The following PCDH11X variants were observed in gnomAD, a reference collection of about 807,000 sequenced individuals.
PCDH11X encodes protocadherin 11 X-linked.
PCDH11X carries 18 observed loss-of-function variants against 53.3 expected under a neutral mutation model. That is an observed-to-expected ratio of 0.34 (90% CI 0.23 to 0.50). The LOEUF (loss-of-function observed/expected upper bound fraction) is 0.50, where lower values mean the gene tolerates loss of function less well. PCDH11X is among the 20% of genes least tolerant of loss of function. The probability of loss-of-function intolerance (pLI) is 0.98; values close to 1 mark genes in which losing one functional copy is unlikely to be tolerated. For missense variants in PCDH11X, 570 were observed against 1,032.4 expected (o/e 0.55, Z 6.14); for synonymous variants, 279 against 393.3 (o/e 0.71, Z 3.44).
In PCDH11X at chrX:91,987,201, C is replaced by T. The variant is rs188805959; in HGVS notation, c.3033+107928C>T. The stretch of plus-strand genomic sequence containing the variant: ...CTGGGTTCAAGAGATTCTCCTGCCT[C>T]AGCGTCCCAAGCAGCTGGTATTACA... On this transcript the variant is annotated intron_variant, in intron 6 of 10. Transcript: ENST00000682573. Among the ~76,000 whole-genome samples, 684 of 111,396 alleles carry T rather than the reference C, an allele frequency of 6.1e-3. 7 individuals carry two copies. The highest frequency in any genetic ancestry group is 0.021 in the African/African-American group (655 of 30,656).
intron 7 of PCDH11X, among the ~76,000 whole-genome samples, chrX:92,250,595 G>GTATA (rs377269087): frequency 0.021 from 2,099 of 99,365 alleles, 41 homozygotes; most frequent in African/African-American, 0.061. Flanking sequence ...ATGTGTGTAT[G>GTATA]TATATATATA....
rs1204858627 is a variant in PCDH11X, at chrX:92,484,177, G to GTATATATGTATA, written c.3367+15858_3367+15859insATATGTATATAT. On this transcript the variant is annotated intron_variant, in intron 10 of 10. Transcript: ENST00000682573. ...TATATATGTATATATGTATATATAT[G>GTATATATGTATA]TATGTATATATATGTATATATGTAT... 8.2e-4 allele frequency among the ~76,000 whole-genome samples: 33 copies of GTATATATGTATA among 40,141 alleles called. 2 individuals carry two copies. In the East Asian group the frequency reaches 0.049, roughly 60 times the overall value. 34.9% of individuals were successfully genotyped at this position (40,141 alleles called of 115,157 possible).
chrX:92,004,130 C>T (rs746959934), intron 6 of PCDH11X, among the ~76,000 whole-genome samples: 33 of 111,390 alleles, frequency 3.0e-4, no homozygotes, highest in African/African-American at 8.5e-4. Flanking sequence ...TTCTTAATTT[C>T]GTCATTGACC....
intron 6 of PCDH11X, among the ~76,000 whole-genome samples, chrX:91,991,690 T>A (rs2062328378): frequency 9.1e-6 from 1 of 109,953 alleles, no homozygotes; most frequent in African/African-American, 3.3e-5. Flanking sequence ...TTTTTTTTAG[T>A]TTGCATTTGT....
At chrX:92,025,106 A>G (rs1427509741) in intron 6 of PCDH11X, among the ~76,000 whole-genome samples, 1 of 111,639 alleles carries the variant, frequency 9.0e-6, no homozygotes, top group Non-Finnish European at 1.9e-5. Context: ...AATTGCAACA[A>G]AAGCCAAAAT....
chrX:92,218,291 G>A (rs1213530424), intron 7 of PCDH11X, among the ~76,000 whole-genome samples: 3 of 98,145 alleles, frequency 3.1e-5, no homozygotes, highest in Non-Finnish European at 4.1e-5. Context: ...AAAATTGATA[G>A]ACCACTAGCA....
intron 7 of PCDH11X, among the ~76,000 whole-genome samples, chrX:92,219,753 CA>C (rs1472504986): frequency 1.1e-5 from 1 of 89,783 alleles, no homozygotes; most frequent in African/African-American, 4.0e-5. Context: ...AATCCTAAGC[CA>C]AAAGAATAAA....
At chrX:92,096,432 A>ATGTG (rs1256578143) in intron 6 of PCDH11X, among the ~76,000 whole-genome samples, 114 of 65,572 alleles carry the variant, frequency 1.7e-3, no homozygotes, top group African/African-American at 6.6e-3. Context: ...AGTGGAGTGT[A>ATGTG]TGTGTATGTG....
chrX:92,019,076 T>G (rs1217091820), intron 6 of PCDH11X, among the ~76,000 whole-genome samples: 1 of 110,887 alleles, frequency 9.0e-6, no homozygotes, highest in Non-Finnish European at 1.9e-5. Context: ...TCTTCAGTGG[T>G]AAGACACTGA....
chrX:92,262,182 C>G (rs2067730746), intron 7 of PCDH11X, among the ~76,000 whole-genome samples: 1 of 110,921 alleles, frequency 9.0e-6, no homozygotes, highest in African/African-American at 3.3e-5. Context: ...TATGTTGACT[C>G]TATTTCTCTT....
intron 8 of PCDH11X, among the ~76,000 whole-genome samples, chrX:92,381,928 G>A (rs1034023963): frequency 3.6e-5 from 4 of 110,674 alleles, no homozygotes; most frequent in African/African-American, 1.3e-4. Context: ...GTGATCCATG[G>A]TTCCATCATC....
intron 7 of PCDH11X, among the ~76,000 whole-genome samples, chrX:92,250,595 G>GTA (rs377269087): frequency 3.8e-4 from 38 of 99,488 alleles, no homozygotes; most frequent in East Asian, 2.7e-3. Context: ...ATGTGTGTAT[G>GTA]TATATATATA....
chrX:91,786,647 A>G, intron 1 of PCDH11X, among the ~76,000 whole-genome samples: 1 of 90,427 alleles, frequency 1.1e-5, no homozygotes, highest in South Asian at 6.3e-4. Flanking sequence ...AAAAAGTTAT[A>G]TTAGGATCAT....
intron 6 of PCDH11X, among the ~76,000 whole-genome samples, chrX:91,969,711 C>A (rs1442429868): frequency 9.3e-6 from 1 of 107,137 alleles, no homozygotes; most frequent in African/African-American, 3.4e-5. Flanking sequence ...GTGGAAGGAT[C>A]ACTTGAGCTT....
intron 10 of PCDH11X, among the ~76,000 whole-genome samples, chrX:92,607,828 G>A (rs746880174): frequency 1.8e-5 from 2 of 111,253 alleles, no homozygotes; most frequent in South Asian, 7.5e-4. Context: ...AGTTATATGT[G>A]TGTTCACGTA....
intron 10 of PCDH11X, among the ~76,000 whole-genome samples, chrX:92,496,697 T>C (rs1399478181): frequency 9.2e-6 from 1 of 108,253 alleles, no homozygotes; most frequent in Non-Finnish European, 1.9e-5. Flanking sequence ...AGCCCAGATA[T>C]GTAAACATAC....
intron 8 of PCDH11X, among the ~76,000 whole-genome samples, chrX:92,273,233 T>C (rs893692364): frequency 1.4e-4 from 15 of 108,039 alleles, no homozygotes; most frequent in Non-Finnish European, 2.3e-4. Flanking sequence ...TTTGGGAAGG[T>C]AATGGAAAAT....
intron 6 of PCDH11X, among the ~76,000 whole-genome samples, chrX:92,130,032 T>G (rs2064943514): frequency 8.9e-6 from 1 of 111,846 alleles, no homozygotes; most frequent in African/African-American, 3.2e-5. Flanking sequence ...TTTATTGTAA[T>G]ATAAATCCCT....
intron 6 of PCDH11X, among the ~76,000 whole-genome samples, chrX:92,025,339 A>G (rs2062954293): frequency 9.3e-6 from 1 of 108,002 alleles, no homozygotes; most frequent in African/African-American, 3.4e-5. Context: ...TCTGCAAGGA[A>G]CTCACACATA....
Sources: allele counts gnomAD v4.1 joint callset (sites outside exome capture counted in the v4.1 genomes callset), GRCh38; gene constraint gnomAD v4.1.1; transcripts MANE v1.5; gene names NCBI Gene and HGNC (gene_info 2026-07-23, HGNC 2026-07-21).